RASAL2: variants seen among roughly 807,000 people sequenced by gnomAD.
RASAL2 encodes RAS protein activator like 2.
Under a neutral mutation model 128.9 loss-of-function variants are expected in RASAL2, and 58 were observed. The observed-to-expected ratio is 0.45, with a 90% CI of 0.36 to 0.56. The LOEUF (loss-of-function observed/expected upper bound fraction) is 0.56. Among genes scored for constraint, RASAL2 ranks in the 20% least tolerant of loss-of-function variants. The pLI, the probability that RASAL2 is intolerant of heterozygous loss-of-function variation, is 0.00. For synonymous variants in RASAL2, 561 were observed against 580.8 expected (o/e 0.97, Z 0.49); for missense variants, 1,360 against 1,601.6 (o/e 0.85, Z 2.57).
chr1:178,138,842 G>A (rs1660427782), intron 1 of RASAL2, among the ~76,000 whole-genome samples: 1 of 152,000 alleles, frequency 6.6e-6, no homozygotes, highest in Non-Finnish European at 1.5e-5. Flanking sequence ...ATATAAGGTA[G>A]TTAGAACAGT....
intron 3 of RASAL2, among the ~76,000 whole-genome samples, chr1:178,377,713 C>A (rs1672066225): frequency 6.6e-6 from 1 of 151,896 alleles, no homozygotes; most frequent in Admixed American, 6.6e-5. Context: ...GGAAAAACAT[C>A]CTGAGAATTC....
chr1:178,211,941 T>A (rs918402731), intron 1 of RASAL2, among the ~76,000 whole-genome samples: 3 of 152,326 alleles, frequency 2.0e-5, no homozygotes, highest in Non-Finnish European at 4.4e-5. Context: ...TAGCATGAAT[T>A]TGATAATACA....
At chr1:178,365,334 G>C (rs1671340174) in intron 3 of RASAL2, among the ~76,000 whole-genome samples, 1 of 152,086 alleles carries the variant, frequency 6.6e-6, no homozygotes, top group Admixed American at 6.6e-5. Context: ...GTTATAGTTT[G>C]ATATTTACTT....
At chr1:178,294,851 A>G (rs1053411314) in intron 2 of RASAL2, among the ~76,000 whole-genome samples, 1 of 152,230 alleles carries the variant, frequency 6.6e-6, no homozygotes, top group Non-Finnish European at 1.5e-5. Context: ...CCTGCTGGGT[A>G]GGATACCAGA....
At chr1:178,405,858 A>G (rs766446656) in intron 4 of RASAL2, among the ~76,000 whole-genome samples, 2 of 152,222 alleles carry the variant, frequency 1.3e-5, no homozygotes, top group Non-Finnish European at 2.9e-5. Context: ...TACCTATGTT[A>G]ATTTCTTAGT....
At chr1:178,442,530 A>C in intron 7 of RASAL2, 145 bp from the exon 8 acceptor site, 1 of 615,234 alleles carries the variant, frequency 1.6e-6, no homozygotes, top group Non-Finnish European at 2.8e-6. Flanking sequence ...GCTTGCTGTT[A>C]ACCTAAGCAA....
chr1:178,285,944 CATAAT>C (rs1432974139), intron 2 of RASAL2, among the ~76,000 whole-genome samples: 3 of 152,168 alleles, frequency 2.0e-5, no homozygotes, highest in South Asian at 2.1e-4. Context: ...CCTTTTGTCT[CATAAT>C]ATAACTGTCC....
At chr1:178,440,155 T>C (rs991240825) in intron 6 of RASAL2, among the ~76,000 whole-genome samples, 1 of 152,072 alleles carries the variant, frequency 6.6e-6, no homozygotes, top group Non-Finnish European at 1.5e-5. Flanking sequence ...CTTCCAAATA[T>C]GTACTACTAG....
intron 2 of RASAL2, among the ~76,000 whole-genome samples, chr1:178,298,616 C>T (rs1472516145): frequency 1.3e-5 from 2 of 152,132 alleles, no homozygotes; most frequent in East Asian, 1.9e-4. Context: ...TCAATTGATG[C>T]AATACATGTC....
intron 1 of RASAL2, among the ~76,000 whole-genome samples, chr1:178,188,973 C>A (rs1022129659): frequency 1.3e-5 from 2 of 152,024 alleles, no homozygotes; most frequent in African/African-American, 2.4e-5. Context: ...AAAATTGAGA[C>A]CCATATGGTA....
chr1:178,454,895 T>G (rs531771647), intron 12 of RASAL2, among the ~76,000 whole-genome samples: 6 of 152,230 alleles, frequency 3.9e-5, no homozygotes, highest in African/African-American at 1.2e-4. Flanking sequence ...TTCTCTAAAT[T>G]TATATATACA....
intron 3 of RASAL2, among the ~76,000 whole-genome samples, chr1:178,327,699 T>C (rs1014441000): frequency 6.6e-6 from 1 of 152,190 alleles, no homozygotes; most frequent in African/African-American, 2.4e-5. Context: ...AAGACAACCT[T>C]GTTAGTTCTT....
chr1:178,334,243 G>T (rs993342223), intron 3 of RASAL2, among the ~76,000 whole-genome samples: 4 of 151,758 alleles, frequency 2.6e-5, no homozygotes, highest in African/African-American at 9.7e-5. Context: ...TATTTAATGA[G>T]ATTTTCAAAA....
At chr1:178,385,967 CT>C (rs1195195575) in intron 3 of RASAL2, among the ~76,000 whole-genome samples, 2 of 152,174 alleles carry the variant, frequency 1.3e-5, no homozygotes, top group East Asian at 3.9e-4. Flanking sequence ...TCCCTGACTA[CT>C]TTTTATTTCC....
At chr1:178,233,672 A>G (rs3748788) in intron 1 of RASAL2, among the ~76,000 whole-genome samples, 40,915 of 152,052 alleles carry the variant, frequency 0.27, 6,376 homozygotes, top group African/African-American at 0.44. Context: ...TCAACAGCCG[A>G]TCACTTCGAG....
chr1:178,395,533 T>G (rs1045720628), intron 4 of RASAL2, among the ~76,000 whole-genome samples: 4 of 152,130 alleles, frequency 2.6e-5, no homozygotes, highest in African/African-American at 9.7e-5. Context: ...TTGACCAGCC[T>G]AAGAATCTCA....
intron 1 of RASAL2, among the ~76,000 whole-genome samples, chr1:178,165,176 C>A (rs900494887): frequency 1.3e-5 from 2 of 151,692 alleles, no homozygotes; most frequent in Non-Finnish European, 2.9e-5. Context: ...TAAAACTGTA[C>A]GTGCAGGTGT....
chr1:178,390,541 G>A (rs1672842001), intron 4 of RASAL2, among the ~76,000 whole-genome samples: 1 of 152,010 alleles, frequency 6.6e-6, no homozygotes. Context: ...ATCATGCCTG[G>A]CTAATTTTTG....
intron 1 of RASAL2, among the ~76,000 whole-genome samples, chr1:178,153,404 A>G (rs1229580019): frequency 6.6e-6 from 1 of 152,234 alleles, no homozygotes; most frequent in African/African-American, 2.4e-5. Flanking sequence ...TATTACAGCA[A>G]TCTAATTCAA....
Sources: allele counts gnomAD v4.1 joint callset (sites outside exome capture counted in the v4.1 genomes callset), GRCh38; gene constraint gnomAD v4.1.1; transcripts MANE v1.5; gene names NCBI Gene and HGNC (gene_info 2026-07-23, HGNC 2026-07-21).